Variants in CSMD1 observed in about 807,000 individuals in gnomAD.
The protein encoded by CSMD1 is CUB and Sushi multiple domains 1, also known as CUB and sushi domain-containing protein 1.
CSMD1 carries 213 observed loss-of-function variants against 417.5 expected under a neutral mutation model. The ratio of observed to expected loss-of-function variants is 0.51; its 90% CI spans 0.46 to 0.57. CSMD1 has a LOEUF of 0.57. Ranked by LOEUF, CSMD1 falls within the 20% of genes least tolerant of loss-of-function variation. The probability of loss-of-function intolerance (pLI) is 0.00; values close to 1 mark genes in which losing one functional copy is unlikely to be tolerated. For synonymous variants in CSMD1, 2,862 were observed against 1,736.8 expected (o/e 1.65, Z -16.11); for missense variants, 6,923 against 4,529.7 (o/e 1.53, Z -15.17).
In CSMD1 at chr8:4,151,305, T is replaced by C. The variant is rs183898939; in HGVS notation, c.416-119206A>G. Among the ~76,000 whole-genome samples, 64 of 152,340 alleles carry C rather than the reference T, an allele frequency of 4.2e-4. 1 individual carries two copies. The highest frequency in any genetic ancestry group is 1.3e-3 in the African/African-American group (53 of 41,586). The stretch of plus-strand genomic sequence containing the variant: ...CATGTGTAAATCATTTGCCTTGTTA[T>C]AGATCCTAAGATCAATGCTTCAAGA... On this transcript the variant is annotated intron_variant, in intron 3 of 69. Transcript: ENST00000635120.
chr8:4,523,949 G>C (rs1051381233), intron 2 of CSMD1, among the ~76,000 whole-genome samples: 1 of 152,044 alleles, frequency 6.6e-6, no homozygotes, highest in African/African-American at 2.4e-5. Context: ...TGAAAGTCCA[G>C]GTGTTTCCCC....
chr8:3,369,376 A>T lies in CSMD1; in HGVS notation c.2783-6T>A. 7.2e-7 allele frequency: 1 copy of T among 1,382,652 alleles called. No homozygotes were observed. The highest frequency in any genetic ancestry group is 2.3e-5 in the East Asian group (1 of 43,652). 85.6% of individuals were successfully genotyped at this position (1,382,652 alleles called of 1,614,324 possible). On this transcript the variant is annotated splice_polypyrimidine_tract_variant and splice_region_variant and intron_variant, in intron 18 of 69. Transcript: ENST00000635120. ...GATGTAGCCTCCACATAGAGCTTAA[A>T]ATAATAAAGAGAGATGATTACAGCA...
chr8:4,447,085 C>T (rs953672683), intron 2 of CSMD1, among the ~76,000 whole-genome samples: 2 of 151,944 alleles, frequency 1.3e-5, no homozygotes, highest in African/African-American at 4.8e-5. Context: ...GTTATGACAG[C>T]GTCTCTTTGG....
chr8:3,466,345 C>T (rs1263986340), intron 12 of CSMD1, among the ~76,000 whole-genome samples: 1 of 152,074 alleles, frequency 6.6e-6, no homozygotes, highest in East Asian at 1.9e-4. Context: ...TAGTGAAAAT[C>T]AGGCAACATC....
At chr8:3,708,742 G>T (rs578223108) in intron 6 of CSMD1, among the ~76,000 whole-genome samples, 1 of 152,154 alleles carries the variant, frequency 6.6e-6, no homozygotes, top group Non-Finnish European at 1.5e-5. Flanking sequence ...TGCTGCCACT[G>T]ACTTTACACA....
intron 3 of CSMD1, among the ~76,000 whole-genome samples, chr8:4,061,172 C>A (rs765917043): frequency 2.6e-5 from 4 of 152,138 alleles, no homozygotes; most frequent in African/African-American, 9.7e-5. Context: ...GATGGAAAAT[C>A]CCTCAGCTGC....
intron 12 of CSMD1, among the ~76,000 whole-genome samples, chr8:3,455,229 GT>G (rs1162462800): frequency 6.6e-6 from 1 of 151,904 alleles, no homozygotes; most frequent in Non-Finnish European, 1.5e-5. Flanking sequence ...TTTTTTCAAG[GT>G]TTTTAACTTC....
intron 49 of CSMD1, among the ~76,000 whole-genome samples, chr8:3,075,136 T>C (rs57472933): frequency 0.25 from 37,937 of 152,010 alleles, 5,574 homozygotes; most frequent in East Asian, 0.32. Flanking sequence ...CCTTCTGCCA[T>C]GATTAGAAGT....
At chr8:4,983,865 G>C (rs1811031454) in intron 1 of CSMD1, among the ~76,000 whole-genome samples, 1 of 152,086 alleles carries the variant, frequency 6.6e-6, no homozygotes, top group South Asian at 2.1e-4. Flanking sequence ...TGGACTCAAA[G>C]ATGGGTGGGC....
chr8:4,829,068 T>G (rs1396510575), intron 1 of CSMD1, among the ~76,000 whole-genome samples: 3 of 152,184 alleles, frequency 2.0e-5, no homozygotes, highest in African/African-American at 7.2e-5. Flanking sequence ...GTTACCTTTC[T>G]CCACTAACAT....
At chr8:4,844,301 A>G (rs1189925889) in intron 1 of CSMD1, among the ~76,000 whole-genome samples, 4 of 152,170 alleles carry the variant, frequency 2.6e-5, no homozygotes, top group African/African-American at 9.6e-5. Context: ...GTCCTCCAGC[A>G]TCAGTAGATA....
intron 12 of CSMD1, among the ~76,000 whole-genome samples, chr8:3,432,238 A>G (rs1157928952): frequency 1.3e-5 from 2 of 152,106 alleles, no homozygotes; most frequent in Non-Finnish European, 2.9e-5. Context: ...AAAATAAAAC[A>G]CCTTTTAAAT....
chr8:4,431,453 C>T (rs549868165), intron 2 of CSMD1, among the ~76,000 whole-genome samples: 1 of 151,996 alleles, frequency 6.6e-6, no homozygotes, highest in Non-Finnish European at 1.5e-5. Context: ...AGCACACAGT[C>T]AGGAGAGGAG....
intron 36 of CSMD1, chr8:3,183,078 T>G (rs541964982): frequency 3.3e-5 from 5 of 151,880 alleles, no homozygotes; most frequent in Admixed American, 3.3e-4. Flanking sequence ...TTTTTAAACA[T>G]GAAGTGTGTC....
intron 1 of CSMD1, among the ~76,000 whole-genome samples, chr8:4,945,856 A>G (rs1201170558): frequency 6.6e-6 from 1 of 152,190 alleles, no homozygotes; most frequent in Non-Finnish European, 1.5e-5. Flanking sequence ...CACTGAAACT[A>G]GCAGGATTTG....
chr8:3,733,290 A>T (rs1477918771), intron 6 of CSMD1, among the ~76,000 whole-genome samples: 1 of 148,550 alleles, frequency 6.7e-6, no homozygotes, highest in African/African-American at 2.5e-5. Flanking sequence ...GCATAAATAT[A>T]CATATGAATA....
intron 1 of CSMD1, among the ~76,000 whole-genome samples, chr8:4,670,810 T>A (rs1805249128): frequency 6.6e-6 from 1 of 152,244 alleles, no homozygotes; most frequent in Non-Finnish European, 1.5e-5. Flanking sequence ...TGTGCTCAGA[T>A]GAAAGTCATA....
intron 3 of CSMD1, among the ~76,000 whole-genome samples, chr8:4,343,672 G>A (rs1460991900): frequency 6.6e-6 from 1 of 152,080 alleles, no homozygotes; most frequent in African/African-American, 2.4e-5. Flanking sequence ...GTCTGTGTCT[G>A]GTGATCTGAC....
intron 25 of CSMD1, among the ~76,000 whole-genome samples, chr8:3,286,601 G>GT (rs908440134): frequency 9.7e-4 from 147 of 152,026 alleles, no homozygotes; most frequent in African/African-American, 3.3e-3. Context: ...TTTTTCATAT[G>GT]TTTTTTGGCT....
Sources: allele counts gnomAD v4.1 joint callset (sites outside exome capture counted in the v4.1 genomes callset), GRCh38; gene constraint gnomAD v4.1.1; transcripts MANE v1.5; gene names NCBI Gene and HGNC (gene_info 2026-07-23, HGNC 2026-07-21).